RMST: variants seen among roughly 807,000 people sequenced by gnomAD.
The protein encoded by RMST is rhabdomyosarcoma 2 associated transcript, also known as long intergenic non-protein coding RNA 54.
intron 5 of RMST, among the ~76,000 whole-genome samples, chr12:97,480,395 T>G (rs940269051): frequency 3.3e-5 from 5 of 152,204 alleles, no homozygotes; most frequent in Non-Finnish European, 7.3e-5. Context: ...ACTAAACGTT[T>G]CGTGAATCCA....
intron 10 of RMST, among the ~76,000 whole-genome samples, chr12:97,529,593 C>CTT (rs10654339): frequency 0.82 from 124,973 of 151,824 alleles, 51,905 homozygotes; most frequent in Middle Eastern, 0.93. Context: ...GCTGCGCAAA[C>CTT]TTTATTTTGT....
intron 10 of RMST, among the ~76,000 whole-genome samples, chr12:97,506,163 A>C (rs1355435189): frequency 1.3e-5 from 2 of 150,726 alleles, no homozygotes; most frequent in Non-Finnish European, 2.9e-5. Flanking sequence ...ATTTTATATT[A>C]CAGTACAATT....
intron 5 of RMST, among the ~76,000 whole-genome samples, chr12:97,466,398 A>G (rs1555228628): frequency 6.6e-6 from 1 of 152,114 alleles, no homozygotes; most frequent in Non-Finnish European, 1.5e-5. Flanking sequence ...TGAAGGTAAT[A>G]TTTTATATAA....
At chr12:97,560,742 A>G (rs1884054768) in intron 12 of RMST, 2 of 152,178 alleles carry the variant, frequency 1.3e-5, no homozygotes, top group African/African-American at 4.8e-5. Context: ...TTCAGTATAC[A>G]AATATGTTTA....
intron 10 of RMST, among the ~76,000 whole-genome samples, chr12:97,503,038 G>C (rs956873022): frequency 1.2e-4 from 19 of 152,030 alleles, no homozygotes; most frequent in African/African-American, 4.6e-4. Context: ...CTTGTGTCTG[G>C]GCAATAGCTA....
At chr12:97,521,266 G>A (rs1169686865) in intron 10 of RMST, among the ~76,000 whole-genome samples, 1 of 152,038 alleles carries the variant, frequency 6.6e-6, no homozygotes, top group Non-Finnish European at 1.5e-5. Flanking sequence ...ATCTTGTGAT[G>A]ATAACGCAAT....
intron 11 of RMST, among the ~76,000 whole-genome samples, chr12:97,551,165 T>A (rs1231195453): frequency 6.9e-6 from 1 of 144,692 alleles, no homozygotes; most frequent in African/African-American, 2.5e-5. Flanking sequence ...CATGGTTCAT[T>A]GTTTTTAAAA....
At chr12:97,464,837 G>A (rs934882106) in intron 4 of RMST, 1 of 152,150 alleles carries the variant, frequency 6.6e-6, no homozygotes, top group Non-Finnish European at 1.5e-5. Flanking sequence ...AGTGATAAAT[G>A]GTGCCGAGCA....
Position 97,512,283 on chromosome 12 carries a change from C to T in RMST, n.1340+16227C>T, listed in dbSNP as rs146619636. Among the ~76,000 whole-genome samples, 695 of 152,258 alleles carry T rather than the reference C, an allele frequency of 4.6e-3. 3 individuals carry two copies. The highest frequency in any genetic ancestry group is 0.017 in the South Asian group (83 of 4,808). ...TGCAGACCTTTGTGGTGTTACAGCT[C>T]ATAAAGGCAGTGGGGACCCAAAGAG... On this transcript the variant is annotated intron_variant and non_coding_transcript_variant, in intron 10 of 13. Transcript: ENST00000640149.
intron 11 of RMST, among the ~76,000 whole-genome samples, chr12:97,539,241 G>A (rs1378704633): frequency 6.6e-6 from 1 of 151,550 alleles, no homozygotes. Flanking sequence ...GGTGCTTAAT[G>A]TAAAATTCCT....
At chr12:97,534,778 A>G (rs2136601908) in intron 11 of RMST, among the ~76,000 whole-genome samples, 1 of 151,860 alleles carries the variant, frequency 6.6e-6, no homozygotes, top group Non-Finnish European at 1.5e-5. Context: ...ATTCTTTGCT[A>G]TGAATAAGCC....
chr12:97,563,770 G>A (rs1483893107), intron 13 of RMST: 1 of 477,438 alleles, frequency 2.1e-6, no homozygotes, highest in South Asian at 1.5e-5. Context: ...CTTTGAAATG[G>A]TTGTGAAGTC....
At chr12:97,492,332 T>A (rs549775673) in intron 5 of RMST, 1 of 160,716 alleles carries the variant, frequency 6.2e-6, no homozygotes, top group South Asian at 1.8e-4. Context: ...TCACATATAT[T>A]GTGGGAAACA....
rs139406615 is a variant in RMST, at chr12:97,540,097, T to C, written n.1545+9238T>C. 3.6e-4 allele frequency among the ~76,000 whole-genome samples: 55 copies of C among 151,852 alleles called. No individual in the cohort carries two copies. The East Asian group carries it at 6.2e-3, about 17-fold the overall frequency. On this transcript the variant is annotated intron_variant and non_coding_transcript_variant, in intron 11 of 13. Transcript: ENST00000640149. ...GACTGCTTGGCGTATCCTGATTTCC[T>C]TTCCAAAGGATAGATTGTAGGCGCA...
intron 10 of RMST, among the ~76,000 whole-genome samples, chr12:97,519,886 T>C (rs1368249302): frequency 2.0e-5 from 3 of 152,192 alleles, no homozygotes; most frequent in African/African-American, 7.2e-5. Flanking sequence ...TTTCTGAGAA[T>C]GGAAAACAAG....
intron 5 of RMST, among the ~76,000 whole-genome samples, chr12:97,474,109 T>C (rs549006346): frequency 4.6e-5 from 7 of 152,172 alleles, no homozygotes; most frequent in African/African-American, 1.7e-4. Context: ...TACCCTTTTA[T>C]TGGGGGCAGG....
At chr12:97,549,115 AT>A (rs1883140906) in intron 11 of RMST, among the ~76,000 whole-genome samples, 1 of 152,186 alleles carries the variant, frequency 6.6e-6, no homozygotes, top group African/African-American at 2.4e-5. Flanking sequence ...GAGAGAGACT[AT>A]GAAACATATA....
intron 10 of RMST, among the ~76,000 whole-genome samples, chr12:97,506,675 GTTTTTTTTTTTTTT>G (rs780505590): frequency 5.2e-5 from 4 of 76,946 alleles, no homozygotes; most frequent in South Asian, 5.2e-4. Context: ...AGGGTAATCT[GTTTTTTTTTTTTTT>G]TTTTTTTTTT....
At chr12:97,513,079 G>A (rs909764366) in intron 10 of RMST, among the ~76,000 whole-genome samples, 4 of 152,210 alleles carry the variant, frequency 2.6e-5, no homozygotes, top group Middle Eastern at 3.2e-3. Flanking sequence ...GCGCAGGCCC[G>A]CAAGCACCGC....
Sources: gnomAD v4.1 joint callset for allele counts (sites outside exome capture counted in the v4.1 genomes callset) on GRCh38, gnomAD v4.1.1 for gene constraint, MANE v1.5 for transcripts, NCBI Gene and HGNC (gene_info 2026-07-23, HGNC 2026-07-21) for gene names.